MED12L: variants seen among roughly 807,000 people sequenced by gnomAD.
The protein encoded by MED12L is mediator of RNA polymerase II transcription subunit 12-like protein.
A neutral mutation model predicts 281.3 loss-of-function variants in MED12L; 60 were observed. The observed-to-expected ratio is 0.21, with a 90% CI of 0.17 to 0.26. The LOEUF (loss-of-function observed/expected upper bound fraction) is 0.26, where lower values mean the gene tolerates loss of function less well. Ranked by LOEUF, MED12L falls within the 10% of genes least tolerant of loss-of-function variation. The pLI, the probability that MED12L is intolerant of heterozygous loss-of-function variation, is 1.00. For synonymous variants in MED12L, 974 were observed against 987.2 expected, an observed-to-expected ratio of 0.99 and a Z score of 0.25; for missense variants, 2,146 against 2,680.9, an observed-to-expected ratio of 0.80 and a Z score of 4.41.
At chr3:151,212,609 ATTAAATGACGTAAGTCT>A (rs1011344115) in intron 16 of MED12L, 1 of 152,170 alleles carries the variant, frequency 6.6e-6, no homozygotes, top group Non-Finnish European at 1.5e-5. Flanking sequence ...CCCCAGGCTC[ATTAAATGACGTAAGTCT>A]TTGTAGAAAA....
At chr3:151,266,782 A>G (rs1296928372) in intron 16 of MED12L, among the ~76,000 whole-genome samples, 4 of 152,300 alleles carry the variant, frequency 2.6e-5, no homozygotes, top group South Asian at 4.1e-4. Context: ...GGTAAGAAGA[A>G]AGACTAAGGT....
intron 16 of MED12L, among the ~76,000 whole-genome samples, chr3:151,343,581 G>A (rs1752148133): frequency 6.6e-6 from 1 of 152,154 alleles, no homozygotes; most frequent in African/African-American, 2.4e-5. Flanking sequence ...ATGAATAGAA[G>A]CAGAGCAAGT....
intron 16 of MED12L, among the ~76,000 whole-genome samples, chr3:151,287,200 A>C (rs1743632759): frequency 6.6e-6 from 1 of 152,162 alleles, no homozygotes; most frequent in Non-Finnish European, 1.5e-5. Context: ...AAAAATCAAG[A>C]CCTCAAGTAG....
At chr3:151,213,041 A>G (rs1576985491) in intron 16 of MED12L, 1 of 224,096 alleles carries the variant, frequency 4.5e-6, no homozygotes, top group Non-Finnish European at 8.6e-6. Flanking sequence ...TTTTAATATA[A>G]TAGAATTGAA....
chr3:151,353,510 G>A (rs1753508039), intron 17 of MED12L, among the ~76,000 whole-genome samples: 1 of 152,194 alleles, frequency 6.6e-6, no homozygotes, highest in African/African-American at 2.4e-5. Context: ...TGTTACCCCA[G>A]CACCTTTAAA....
At chr3:151,313,282 A>G (rs1199631734) in intron 16 of MED12L, among the ~76,000 whole-genome samples, 1 of 152,198 alleles carries the variant, frequency 6.6e-6, no homozygotes, top group African/African-American at 2.4e-5. Context: ...ACTTGATTGC[A>G]GGGGATCATG....
At chr3:151,336,303 T>G (rs1188182210) in intron 16 of MED12L, among the ~76,000 whole-genome samples, 2 of 152,194 alleles carry the variant, frequency 1.3e-5, no homozygotes, top group Non-Finnish European at 2.9e-5. Context: ...CCACTGACAC[T>G]GAGTGCTCAC....
intron 16 of MED12L, among the ~76,000 whole-genome samples, chr3:151,283,935 T>G (rs1011492326): frequency 2.0e-5 from 3 of 152,190 alleles, no homozygotes; most frequent in African/African-American, 7.2e-5. Context: ...GACAGGTAAC[T>G]AAGAGGATGA....
At chr3:151,128,060 A>G (rs1443999143) in intron 5 of MED12L, 76 bp downstream of exon 5, 12 of 1,324,084 alleles carry the variant, frequency 9.1e-6, no homozygotes, top group Non-Finnish European at 1.3e-5. Flanking sequence ...CCCTCTGGAT[A>G]CAGCCCAGCA....
chr3:151,433,770 A>C lies in MED12L; in HGVS notation c.*966A>C, dbSNP rs1352371730. The stretch of plus-strand genomic sequence containing the variant: ...AGTCCAGAAGGCTCTGGTTTTCATA[A>C]AAGGTGTATTTGCTGTTTATTTTGT... On this transcript the variant is annotated 3_prime_UTR_variant, in exon 45 of 45. Transcript: ENST00000687756. 6.6e-6 allele frequency: 1 copy of C among 152,636 alleles called. No homozygotes were observed. Among genetic ancestry groups the C allele is most frequent in the Non-Finnish European group, 1.5e-5 (1 of 68,034 alleles). The allele number at this position is 152,636 out of a possible 1,614,324, so 9.5% of individuals were successfully genotyped here. A position where few individuals can be genotyped will look rare whatever the true frequency, so the allele number is the denominator to read the frequency against.
At chr3:151,407,160 C>G (rs1404107280) in intron 39 of MED12L, among the ~76,000 whole-genome samples, 1 of 152,046 alleles carries the variant, frequency 6.6e-6, no homozygotes, top group East Asian at 1.9e-4. Flanking sequence ...GAATATTGCC[C>G]AATAGCTCAG....
chr3:151,213,577 A>G, intron 16 of MED12L: 1 of 1,614,210 alleles, frequency 6.2e-7, no homozygotes, highest in Non-Finnish European at 8.5e-7. Flanking sequence ...ATGGTAAGGT[A>G]CAAAACAGAC....
At chr3:151,329,780 G>C (rs534256949) in intron 16 of MED12L, among the ~76,000 whole-genome samples, 10 of 152,254 alleles carry the variant, frequency 6.6e-5, no homozygotes, top group African/African-American at 2.4e-4. Context: ...TGATCTGCAT[G>C]TTCAGTGAAC....
chr3:151,242,733 T>C (rs1434252148), intron 16 of MED12L, among the ~76,000 whole-genome samples: 1 of 152,172 alleles, frequency 6.6e-6, no homozygotes, highest in Non-Finnish European at 1.5e-5. Context: ...AGGAACGCAG[T>C]TCCTCACCAG....
At chr3:151,141,187 G>GTTTTTTGGTTTTTT (rs1716936010) in intron 5 of MED12L, among the ~76,000 whole-genome samples, 2 of 99,124 alleles carry the variant, frequency 2.0e-5, no homozygotes, top group African/African-American at 4.8e-5. Context: ...TGTTTTTTTT[G>GTTTTTTGGTTTTTT]TTTTTTTTTT....
chr3:151,389,576 T>TA (rs1713911725), intron 37 of MED12L, among the ~76,000 whole-genome samples: 1 of 152,192 alleles, frequency 6.6e-6, no homozygotes, highest in Non-Finnish European at 1.5e-5. Flanking sequence ...TGAAGCACTG[T>TA]AGGGCTCTCT....
At chr3:151,238,657 A>G (rs1733422262) in intron 16 of MED12L, among the ~76,000 whole-genome samples, 1 of 151,104 alleles carries the variant, frequency 6.6e-6, no homozygotes, top group Admixed American at 6.6e-5. Context: ...TCAACTGTTC[A>G]TTGCATTTTA....
At chr3:151,110,818 G>A (rs1711763285) in intron 2 of MED12L, among the ~76,000 whole-genome samples, 1 of 152,180 alleles carries the variant, frequency 6.6e-6, no homozygotes, top group Non-Finnish European at 1.5e-5. Flanking sequence ...AAGGAAGGGG[G>A]TATGGTAGAG....
At chr3:151,288,501 A>G (rs990342481) in intron 16 of MED12L, among the ~76,000 whole-genome samples, 1 of 152,204 alleles carries the variant, frequency 6.6e-6, no homozygotes, top group Non-Finnish European at 1.5e-5. Flanking sequence ...TTGGGTCACA[A>G]ATATTTGTAT....
Sources: gnomAD v4.1 joint callset for allele counts (sites outside exome capture counted in the v4.1 genomes callset) on GRCh38, gnomAD v4.1.1 for gene constraint, MANE v1.5 for transcripts, NCBI Gene and HGNC (gene_info 2026-07-23, HGNC 2026-07-21) for gene names.